Variants in TET2 observed in about 807,000 individuals in gnomAD.
TET2 encodes tet methylcytosine dioxygenase 2, also known as methylcytosine dioxygenase TET2.
In TET2, 299 loss-of-function variants were observed where a neutral mutation model predicts 142.9. The observed-to-expected ratio is 2.09, with a 90% CI of 1.90 to 2.30. The LOEUF (loss-of-function observed/expected upper bound fraction) is 2.30. Ranked by LOEUF, TET2 falls within the 30% of genes most tolerant of loss-of-function variation. The pLI, the probability that TET2 is intolerant of heterozygous loss-of-function variation, is 0.00. For missense variants in TET2, 2,418 were observed against 2,378.0 expected (o/e 1.02, Z -0.35); for synonymous variants, 819 against 849.0 (o/e 0.96, Z 0.61).
intron 2 of TET2, among the ~76,000 whole-genome samples, chr4:105,220,033 T>A (rs920742720): frequency 6.6e-6 from 1 of 152,170 alleles, no homozygotes; most frequent in Non-Finnish European, 1.5e-5. Flanking sequence ...GGTGTGTTAC[T>A]GGTGACTACT....
chr4:105,182,325 T>A (rs1273976477), intron 1 of TET2, among the ~76,000 whole-genome samples: 1 of 152,166 alleles, frequency 6.6e-6, no homozygotes, highest in Non-Finnish European at 1.5e-5. Flanking sequence ...CATTACTCCC[T>A]GGGTCTACCC....
At chr4:105,237,624 T>C (rs1391874753) in intron 3 of TET2, 10 of 1,449,944 alleles carry the variant, frequency 6.9e-6, no homozygotes, top group Admixed American at 5.7e-5. Context: ...TTTGAATGTA[T>C]CTGTTTTAGA....
intron 2 of TET2, among the ~76,000 whole-genome samples, chr4:105,204,657 A>G (rs1726710570): frequency 6.6e-6 from 1 of 152,192 alleles, no homozygotes; most frequent in Non-Finnish European, 1.5e-5. Context: ...AATAGGTATA[A>G]GTTTATTTAG....
At chr4:105,218,864 T>TTA (rs1053800512) in intron 2 of TET2, among the ~76,000 whole-genome samples, 4 of 151,854 alleles carry the variant, frequency 2.6e-5, no homozygotes, top group Non-Finnish European at 5.9e-5. Context: ...AATGTCTATA[T>TTA]TATATATATA....
At position 105,275,171 on chromosome 4, in the gene TET2, C is replaced by G; in HGVS notation, c.4661C>G (p.Thr1554Arg). 1.3e-6 allele frequency: 2 copies of G among 1,552,244 alleles called. No individual in the cohort carries two copies. The highest frequency in any genetic ancestry group is 1.2e-5 in the South Asian group (1 of 84,058). The change falls in exon 11 of 11, where the codon ACA becomes AGA. Residue 1554 changes from threonine (T) to arginine (R), a missense_variant. Thr to Arg is a moderately conservative substitution (Grantham distance 71). Coordinates refer to ENST00000380013, the MANE Select transcript of TET2 (RefSeq NM_001127208.3). ...PQQQQPHHPQTESVNSYSASG... is the reference protein window; with the variant it reads ...PQQQQPHHPQRESVNSYSASG... ...CAGCAGCAGCCACATCACCCTCAGA[C>G]AGAGTCTGTCAACTCTTATTCTGCT... is the stretch of plus-strand genomic sequence containing the variant.
At chr4:105,242,168 G>T (rs1468603157) in intron 4 of TET2, 1 of 1,128,392 alleles carries the variant, frequency 8.9e-7, no homozygotes, top group Non-Finnish European at 1.1e-6. Context: ...TATCATTCTT[G>T]CTCCATTTCC....
chr4:105,233,430 A>G (rs1036027772), intron 2 of TET2, among the ~76,000 whole-genome samples: 3 of 147,520 alleles, frequency 2.0e-5, no homozygotes, highest in African/African-American at 7.5e-5. Context: ...GAGGAGGCAC[A>G]GTGATAAAGA....
chr4:105,263,583 G>A (rs567243319), intron 8 of TET2, among the ~76,000 whole-genome samples: 1 of 152,272 alleles, frequency 6.6e-6, no homozygotes, highest in East Asian at 1.9e-4. Flanking sequence ...TTGGGATGGG[G>A]AGAAGATATC....
intron 6 of TET2, among the ~76,000 whole-genome samples, chr4:105,246,994 G>C (rs1434865788): frequency 6.6e-6 from 1 of 152,170 alleles, no homozygotes; most frequent in Non-Finnish European, 1.5e-5. Context: ...TTGTGGGAGT[G>C]TATCTGTCAT....
At chr4:105,249,719 A>G (rs1286433879) in intron 6 of TET2, among the ~76,000 whole-genome samples, 2 of 152,134 alleles carry the variant, frequency 1.3e-5, no homozygotes, top group African/African-American at 2.4e-5. Flanking sequence ...GTGTGTATTG[A>G]CCATGTATTT....
At chr4:105,251,281 A>G (rs541493964) in intron 6 of TET2, among the ~76,000 whole-genome samples, 2 of 152,278 alleles carry the variant, frequency 1.3e-5, no homozygotes, top group East Asian at 1.9e-4. Context: ...GTCAGGTACA[A>G]TTAACAACTG....
intron 1 of TET2, among the ~76,000 whole-genome samples, chr4:105,187,926 C>G (rs1252737161): frequency 6.6e-6 from 1 of 152,192 alleles, no homozygotes; most frequent in Non-Finnish European, 1.5e-5. Context: ...AAGGTGCAGC[C>G]ACTTTGCAAA....
intron 7 of TET2, 40 bp downstream of exon 7, chr4:105,259,809 T>A: frequency 6.5e-7 from 1 of 1,536,196 alleles, no homozygotes; most frequent in Non-Finnish European, 8.8e-7. Flanking sequence ...TTATTTTTCA[T>A]AGAGAATTCA....
Position 105,236,072 on chromosome 4 carries a change from T to TGA in TET2, c.2132_2133dup (p.Pro712SerfsTer40). ...ACTTGAATCAACAGGCTTCAGAGACTGAGCCATTTTCAAACTCACACCTTT... is the reference window on the plus strand; with the variant it reads ...ACTTGAATCAACAGGCTTCAGAGACTGAGAGCCATTTTCAAACTCACACCTTT... On this transcript the variant is annotated frameshift_variant, in exon 3 of 11. Coordinates refer to ENST00000380013, the MANE Select transcript of TET2 (RefSeq NM_001127208.3). LOFTEE classifies it high-confidence loss of function. 1 of 1,614,144 alleles carries TGA rather than the reference T, an allele frequency of 6.2e-7. No homozygotes were observed. Among genetic ancestry groups the TGA allele is most frequent in the Non-Finnish European group, 8.5e-7 (1 of 1,180,014 alleles).
chr4:105,179,137 G>A (rs1724975831), intron 1 of TET2, among the ~76,000 whole-genome samples: 1 of 152,172 alleles, frequency 6.6e-6, no homozygotes, highest in Non-Finnish European at 1.5e-5. Flanking sequence ...CTTGACACAT[G>A]GGTATTATGG....
rs1030840140 is a variant in TET2 at position 105,261,850 on chromosome 4, T to A, written c.4044+2T>A. 1.3e-6 allele frequency: 2 copies of A among 1,509,312 alleles called. No individual in the cohort carries two copies. Among genetic ancestry groups the A allele is most frequent in the Non-Finnish European group, 1.8e-6 (2 of 1,112,600 alleles). 93.5% of individuals were successfully genotyped at this position (1,509,312 alleles called of 1,614,324 possible). On this transcript the variant is annotated splice_donor_variant, in intron 8 of 10. Coordinates refer to ENST00000380013, the MANE Select transcript of TET2 (RefSeq NM_001127208.3). LOFTEE classifies it high-confidence loss of function. Reference sequence around the variant, plus strand: ...GCACCTGATGCATATAATAATCAGGTAAGTTTAAATAATCATTGGCAGCAA... The same window carrying A: ...GCACCTGATGCATATAATAATCAGGAAAGTTTAAATAATCATTGGCAGCAA...
rs1469919597 is a variant in TET2, at chr4:105,276,389, C to T, written c.5879C>T (p.Ser1960Leu). The T allele has an allele frequency of 6.4e-6, 10 of 1,552,018 alleles. No individual in the cohort carries two copies. The highest frequency in any genetic ancestry group is 8.7e-6 in the Non-Finnish European group (10 of 1,147,060). The change falls in exon 11 of 11, where the codon TCA becomes TTA. Residue 1960 changes from serine (S) to leucine (L), a missense_variant. By Grantham distance (145) the Ser-to-Leu change is moderately radical (BLOSUM62 -2). Coordinates refer to ENST00000380013, the MANE Select transcript of TET2 (RefSeq NM_001127208.3). ...KREPAEPHETSEPTYLRFIKS... is the reference protein window; with the variant it reads ...KREPAEPHETLEPTYLRFIKS... ...GAGCCTGCTGAGCCACATGAAACTT[C>T]AGAGCCCACTTACCTGCGTTTCATC... is the stretch of plus-strand genomic sequence containing the variant.
intron 4 of TET2, chr4:105,242,006 A>T: frequency 2.4e-6 from 3 of 1,241,280 alleles, no homozygotes; most frequent in Non-Finnish European, 3.0e-6. Flanking sequence ...CATGTAGAAG[A>T]CTCTTATGAG....
intron 7 of TET2, 116 bp from the exon 8 acceptor site, chr4:105,261,643 C>A: frequency 1.9e-6 from 1 of 533,910 alleles, no homozygotes; most frequent in Non-Finnish European, 3.3e-6. Context: ...GTAATAAAGG[C>A]ACCATATATT....
Sources: allele counts gnomAD v4.1 joint callset (sites outside exome capture counted in the v4.1 genomes callset), GRCh38; gene constraint gnomAD v4.1.1; transcripts MANE v1.5; gene names NCBI Gene and HGNC (gene_info 2026-07-23, HGNC 2026-07-21).